Variants in LSAMP observed in about 807,000 individuals in gnomAD.
The protein encoded by LSAMP is limbic system associated membrane protein.
Under a neutral mutation model 38.6 loss-of-function variants are expected in LSAMP, and 7 were observed. That is an observed-to-expected ratio of 0.18 (90% CI 0.10 to 0.34). The LOEUF (loss-of-function observed/expected upper bound fraction) is 0.34. Among genes scored for constraint, LSAMP ranks in the 10% least tolerant of loss-of-function variants. The pLI is 1.00. For synonymous variants in LSAMP, 154 were observed against 166.8 expected (o/e 0.92, Z 0.59); for missense variants, 313 against 420.0 (o/e 0.75, Z 2.23).
rs953951659 is a variant in LSAMP at position 116,177,212 on chromosome 3, A to G, written c.156-90656T>C. Among the ~76,000 whole-genome samples the G allele has an allele frequency of 1.1e-4, 17 of 152,130 alleles. 1 individual carries two copies. Among genetic ancestry groups the G allele is most frequent in the African/African-American group, 3.6e-4 (15 of 41,442 alleles). ...TTGTGTGCTTCTGTTAGGGCTTTAT[A>G]TAACACTGATTATAGGAAGGAACAA... On this transcript the variant is annotated intron_variant, in intron 1 of 6. Coordinates refer to ENST00000490035, the MANE Select transcript of LSAMP (RefSeq NM_002338.5).
chr3:116,202,773 C>T (rs1308999394), intron 1 of LSAMP, among the ~76,000 whole-genome samples: 1 of 152,152 alleles, frequency 6.6e-6, no homozygotes, highest in Non-Finnish European at 1.5e-5. Context: ...GTTCCAGTAA[C>T]TCCTACTCCG....
intron 1 of LSAMP, among the ~76,000 whole-genome samples, chr3:116,431,153 G>A (rs2049275477): frequency 6.6e-6 from 1 of 151,822 alleles, no homozygotes; most frequent in Admixed American, 6.6e-5. Context: ...TGGCCTGAGA[G>A]AGAATGAGAG....
chr3:116,233,135 G>A (rs551845355), intron 1 of LSAMP, among the ~76,000 whole-genome samples: 3 of 152,168 alleles, frequency 2.0e-5, no homozygotes, highest in Admixed American at 1.3e-4. Context: ...AAGAAAAAAT[G>A]TGCAGGCACA....
chr3:115,928,988 T>A lies in LSAMP; in HGVS notation c.515-76371A>T, dbSNP rs1937534934. Among the ~76,000 whole-genome samples, 5 of 149,506 alleles carry A rather than the reference T, an allele frequency of 3.3e-5. No individual in the cohort carries two copies. In the South Asian group the frequency reaches 1.1e-3, roughly 32 times the overall value. ...TTTTTTGTTTGTTTTTTTTTTTTTTTTTGCTTGTTTTATGGGGCTAGTTAG... is the reference window on the plus strand; with the variant it reads ...TTTTTTGTTTGTTTTTTTTTTTTTTATTGCTTGTTTTATGGGGCTAGTTAG... On this transcript the variant is annotated intron_variant, in intron 3 of 6. Transcript: ENST00000490035.
chr3:116,104,053 TTC>T (rs1157768417), intron 1 of LSAMP, among the ~76,000 whole-genome samples: 2 of 152,154 alleles, frequency 1.3e-5, no homozygotes, highest in Non-Finnish European at 2.9e-5. Flanking sequence ...GTAGAAAGCT[TTC>T]TCTAAGTGAG....
intron 1 of LSAMP, among the ~76,000 whole-genome samples, chr3:116,128,939 G>T (rs555842911): frequency 6.6e-6 from 1 of 152,066 alleles, no homozygotes; most frequent in African/African-American, 2.4e-5. Context: ...ACCTTTCAGC[G>T]ATGTGACAAC....
At chr3:116,005,552 TCA>T (rs1464353557) in intron 3 of LSAMP, among the ~76,000 whole-genome samples, 1 of 152,156 alleles carries the variant, frequency 6.6e-6, no homozygotes, top group Non-Finnish European at 1.5e-5. Context: ...CTTAGCAACA[TCA>T]CACACTAGCC....
intron 3 of LSAMP, among the ~76,000 whole-genome samples, chr3:115,993,689 A>G (rs1468648811): frequency 6.6e-6 from 1 of 152,108 alleles, no homozygotes; most frequent in Non-Finnish European, 1.5e-5. Flanking sequence ...GACATCTGCA[A>G]TAGTGGCTTT....
At chr3:116,004,547 C>T (rs983634649) in intron 3 of LSAMP, among the ~76,000 whole-genome samples, 19 of 148,210 alleles carry the variant, frequency 1.3e-4, no homozygotes, top group Non-Finnish European at 2.4e-4. Context: ...CACACACACA[C>T]GTAGGTGCAT....
intron 3 of LSAMP, among the ~76,000 whole-genome samples, chr3:116,000,670 T>C (rs1939964690): frequency 6.6e-6 from 1 of 152,204 alleles, no homozygotes; most frequent in Non-Finnish European, 1.5e-5. Context: ...AAAGACGATA[T>C]TGGCTCTTCC....
At chr3:116,313,738 G>A (rs1697961906) in intron 1 of LSAMP, among the ~76,000 whole-genome samples, 1 of 152,246 alleles carries the variant, frequency 6.6e-6, no homozygotes, top group South Asian at 2.1e-4. Flanking sequence ...TGGATCACCT[G>A]AGGTCAGGTG....
intron 2 of LSAMP, among the ~76,000 whole-genome samples, chr3:116,034,116 A>C (rs921983947): frequency 6.6e-6 from 1 of 152,064 alleles, no homozygotes; most frequent in Non-Finnish European, 1.5e-5. Context: ...CAAAGCAAGA[A>C]TTAGGACAAG....
rs1161460100 is a variant in LSAMP at position 116,074,844 on chromosome 3, C to CTTTTTTTTTTTT, written c.388+11468_388+11479dup. ...AAAGTTTAGTCATATTTTCTTTATTCTTTTTTTTTTTTTTTTTGAGATGAG... is the reference window on the plus strand; with the variant it reads ...AAAGTTTAGTCATATTTTCTTTATTCTTTTTTTTTTTTTTTTTTTTTTTTTTTTTGAGATGAG... On this transcript the variant is annotated intron_variant, in intron 2 of 6. Coordinates refer to ENST00000490035, the MANE Select transcript of LSAMP (RefSeq NM_002338.5). Among the ~76,000 whole-genome samples, 498 of 128,276 alleles carry CTTTTTTTTTTTT rather than the reference C, an allele frequency of 3.9e-3. 14 individuals are homozygous for CTTTTTTTTTTTT. Among genetic ancestry groups the CTTTTTTTTTTTT allele is most frequent in the African/African-American group, 0.014 (449 of 32,278 alleles). 84.2% of individuals were successfully genotyped at this position (128,276 alleles called of 152,430 possible). A position where few individuals can be genotyped will look rare whatever the true frequency, so the allele number is the denominator to read the frequency against.
intron 1 of LSAMP, among the ~76,000 whole-genome samples, chr3:116,116,982 C>T (rs151265677): frequency 1.2e-3 from 183 of 152,186 alleles, no homozygotes; most frequent in Admixed American, 6.4e-3. Flanking sequence ...GTCAACACCA[C>T]GTCAAATAAA....
chr3:116,282,386 A>G (rs2047138207), intron 1 of LSAMP, among the ~76,000 whole-genome samples: 1 of 152,246 alleles, frequency 6.6e-6, no homozygotes, highest in African/African-American at 2.4e-5. Context: ...CTAGTGGCAC[A>G]TAAATTCTTC....
At chr3:115,830,208 A>T (rs1934565485) in intron 6 of LSAMP, among the ~76,000 whole-genome samples, 2 of 152,232 alleles carry the variant, frequency 1.3e-5, no homozygotes, top group Non-Finnish European at 2.9e-5. Flanking sequence ...TCAAGTTTTT[A>T]AAAAATGAAT....
chr3:116,187,662 TC>T (rs1163553990), intron 1 of LSAMP, among the ~76,000 whole-genome samples: 1 of 152,152 alleles, frequency 6.6e-6, no homozygotes, highest in Non-Finnish European at 1.5e-5. Context: ...TTATGAAACT[TC>T]CCTTTGACTC....
chr3:116,430,940 C>G (rs1559865735), intron 1 of LSAMP, among the ~76,000 whole-genome samples: 1 of 151,528 alleles, frequency 6.6e-6, no homozygotes, highest in Non-Finnish European at 1.5e-5. Flanking sequence ...ATCTTCCTTT[C>G]TTCTTTTTTG....
intron 3 of LSAMP, among the ~76,000 whole-genome samples, chr3:115,923,547 G>A (rs921711045): frequency 4.6e-5 from 7 of 152,142 alleles, no homozygotes; most frequent in African/African-American, 1.7e-4. Flanking sequence ...TCACTCCTAT[G>A]TAAGTCTTAA....
Sources: gnomAD v4.1 joint callset for allele counts (sites outside exome capture counted in the v4.1 genomes callset) on GRCh38, gnomAD v4.1.1 for gene constraint, MANE v1.5 for transcripts, NCBI Gene and HGNC (gene_info 2026-07-23, HGNC 2026-07-21) for gene names.